Variants in ZRANB1 observed in about 807,000 individuals in gnomAD.
The protein encoded by ZRANB1 is zinc finger RANBP2-type containing 1.
Under a neutral mutation model 80.5 loss-of-function variants are expected in ZRANB1, and 16 were observed. The ratio of observed to expected loss-of-function variants is 0.20; its 90% CI spans 0.13 to 0.30. ZRANB1 has a LOEUF of 0.30. Ranked by LOEUF, ZRANB1 falls within the 10% of genes least tolerant of loss-of-function variation. The pLI, the probability that ZRANB1 is intolerant of heterozygous loss-of-function variation, is 1.00. For missense variants in ZRANB1, 576 were observed against 862.6 expected, an observed-to-expected ratio of 0.67 and a Z score of 4.16; for synonymous variants, 291 against 293.1, an observed-to-expected ratio of 0.99 and a Z score of 0.07.
chr10:124,948,623 G>T (rs1300036001), intron 1 of ZRANB1, among the ~76,000 whole-genome samples: 3 of 151,384 alleles, frequency 2.0e-5, no homozygotes, highest in African/African-American at 7.3e-5. Flanking sequence ...TCTCAATGAG[G>T]TCCTCCATGA....
chr10:124,984,716 C>T (rs1951994536), intron 8 of ZRANB1, 58 bp from the exon 9 acceptor site: 1 of 1,544,924 alleles, frequency 6.5e-7, no homozygotes, highest in African/African-American at 1.4e-5. Context: ...TGTCACATTC[C>T]TACCAAGTCT....
chr10:124,984,574 C>T, intron 8 of ZRANB1, 200 bp from the exon 9 acceptor site: 2 of 530,330 alleles, frequency 3.8e-6, no homozygotes, highest in Non-Finnish European at 3.3e-6. Context: ...GAGAAATTTC[C>T]CATTTATGTC....
Position 124,972,059 on chromosome 10 carries a change from G to A in ZRANB1, c.1097G>A (p.Arg366Lys). ...GAGATAGCTGCCTCTCTTCATCAGA[G>A]AAAGGGGGATTTTGCTTGCTATTTT... is the stretch of plus-strand genomic sequence containing the variant. The part of the protein sequence containing the change: ...RREIAASLHQ[R>K]KGDFACYFLT... The change falls in exon 3 of 9, where the codon AGA (arginine) becomes AAA (lysine). Residue 366 changes from arginine to lysine, a missense_variant. By Grantham distance (26) the Arg-to-Lys change is conservative (BLOSUM62 2). Transcript: ENST00000359653. 1 of 1,613,972 alleles carries A rather than the reference G, an allele frequency of 6.2e-7. No individual in the cohort carries two copies. Among genetic ancestry groups the A allele is most frequent in the South Asian group, 1.1e-5 (1 of 91,058 alleles).
chr10:124,971,899 A>G (rs1455809594), intron 2 of ZRANB1, 66 bp from the exon 3 acceptor site: 2 of 1,425,518 alleles, frequency 1.4e-6, no homozygotes, highest in African/African-American at 2.9e-5. Context: ...TTTCTTTTAA[A>G]TACTGTTGTT....
At position 124,987,418 on chromosome 10, in the gene ZRANB1, C is replaced by G. The variant is rs1400697379; in HGVS notation, c.*2426C>G. 1 of 151,790 alleles carries G rather than the reference C, an allele frequency of 6.6e-6. No homozygotes were observed. Among genetic ancestry groups the G allele is most frequent in the Non-Finnish European group, 1.5e-5 (1 of 67,962 alleles). 9.4% of individuals were successfully genotyped at this position (151,790 alleles called of 1,614,324 possible). A position where few individuals can be genotyped will look rare whatever the true frequency, so the allele number is the denominator to read the frequency against. ...CGACCAAGATCTAATAATTAAAACCCAGGTGGACCATGGATTCAGACCTGC... is the reference window on the plus strand; with the variant it reads ...CGACCAAGATCTAATAATTAAAACCGAGGTGGACCATGGATTCAGACCTGC... On this transcript the variant is annotated 3_prime_UTR_variant, in exon 9 of 9. Transcript: ENST00000359653.
chr10:124,977,746 G>T (rs900205893), intron 5 of ZRANB1, among the ~76,000 whole-genome samples: 1 of 149,728 alleles, frequency 6.7e-6, no homozygotes, highest in East Asian at 1.9e-4. Context: ...AGATGGTTTG[G>T]TGGAGAAATA....
chr10:124,946,743 C>T (rs1430339723), intron 1 of ZRANB1, among the ~76,000 whole-genome samples: 1 of 152,102 alleles, frequency 6.6e-6, no homozygotes, highest in Non-Finnish European at 1.5e-5. Flanking sequence ...ATGTTAAATA[C>T]TTTTTTTAAA....
rs1951548091 is a variant in ZRANB1, at chr10:124,942,765, A to G, written c.272A>G (p.His91Arg). 6.2e-7 allele frequency: 1 copy of G among 1,614,250 alleles called. No homozygotes were observed. Among genetic ancestry groups the G allele is most frequent in the Admixed American group, 1.7e-5 (1 of 60,032 alleles). The change falls in exon 1 of 9, where the codon CAC (histidine) becomes CGC (arginine). Residue 91 changes from histidine (H) to arginine (R), a missense_variant. Transcript: ENST00000359653. Reference protein sequence around the residue: ...SMENANKWSCHMCTYLNWPRA... With the variant: ...SMENANKWSCRMCTYLNWPRA... ...GAAAATGCAAATAAGTGGTCATGCC[A>G]CATGTGTACATATTTGAACTGGCCA...
chr10:124,969,188 A>G (rs1019483130), intron 2 of ZRANB1, among the ~76,000 whole-genome samples: 1 of 152,228 alleles, frequency 6.6e-6, no homozygotes, highest in Admixed American at 6.5e-5. Context: ...AGAGTGATCC[A>G]GTGTCTTTGA....
chr10:124,965,188 T>C (rs6597863), intron 1 of ZRANB1, among the ~76,000 whole-genome samples: 146,879 of 152,312 alleles, frequency 0.96, 70,923 homozygotes, highest in Non-Finnish European at 0.99. Context: ...TGGGTGGAGG[T>C]GGGGCATTTG....
At chr10:124,968,592 T>A (rs1175635786) in intron 2 of ZRANB1, among the ~76,000 whole-genome samples, 1 of 152,202 alleles carries the variant, frequency 6.6e-6, no homozygotes, top group Non-Finnish European at 1.5e-5. Flanking sequence ...GTCGAAGGCC[T>A]GGCTGCATTT....
chr10:124,922,260 A>AATATATATATAT, the ZRANB1 span, among the ~76,000 whole-genome samples: 335 of 105,900 alleles, frequency 3.2e-3, 3 homozygotes, highest in African/African-American at 0.012. Context: ...ATATATGTAA[A>AATATATATATAT]ATATATATAT....
chr10:124,939,844 G>A (rs1951519552), upstream of ZRANB1, among the ~76,000 whole-genome samples: 2 of 151,976 alleles, frequency 1.3e-5, no homozygotes, highest in Non-Finnish European at 2.9e-5. Context: ...TCTACTTTCT[G>A]GATGGTTATA....
chr10:124,980,977 AG>A (rs1951927329), intron 5 of ZRANB1, among the ~76,000 whole-genome samples: 1 of 152,220 alleles, frequency 6.6e-6, no homozygotes, highest in Admixed American at 6.5e-5. Context: ...TCTTTTACCT[AG>A]AATTCAGATG....
At chr10:124,955,001 C>T (rs113632268) in intron 1 of ZRANB1, among the ~76,000 whole-genome samples, 202 of 150,810 alleles carry the variant, frequency 1.3e-3, no homozygotes, top group African/African-American at 4.5e-3. Context: ...TGGTGGCAGG[C>T]GCCCGTAGTC....
At chr10:124,963,765 T>C (rs1229792983) in intron 1 of ZRANB1, among the ~76,000 whole-genome samples, 1 of 152,092 alleles carries the variant, frequency 6.6e-6, no homozygotes, top group Non-Finnish European at 1.5e-5. Flanking sequence ...AATAAAGACG[T>C]AGCAAAAATT....
At chr10:124,970,061 C>T (rs1451992393) in intron 2 of ZRANB1, among the ~76,000 whole-genome samples, 1 of 152,078 alleles carries the variant, frequency 6.6e-6, no homozygotes, top group Non-Finnish European at 1.5e-5. Context: ...TTTGAATTTA[C>T]TTTGGGGGAG....
At chr10:124,960,669 C>T (rs1025026121) in intron 1 of ZRANB1, among the ~76,000 whole-genome samples, 3 of 152,172 alleles carry the variant, frequency 2.0e-5, no homozygotes, top group Admixed American at 6.5e-5. Flanking sequence ...GATTCTCCTG[C>T]CTTGGCCTCC....
chr10:124,936,319 A>G, the ZRANB1 span, among the ~76,000 whole-genome samples: 3 of 152,206 alleles, frequency 2.0e-5, no homozygotes, highest in African/African-American at 7.2e-5. Context: ...CTGAACTGGA[A>G]AAGGATTGAT....
Sources: gnomAD v4.1 joint callset for allele counts (sites outside exome capture counted in the v4.1 genomes callset) on GRCh38, gnomAD v4.1.1 for gene constraint, MANE v1.5 for transcripts, NCBI Gene and HGNC (gene_info 2026-07-23, HGNC 2026-07-21) for gene names.